TMCO6: variants seen among roughly 807,000 people sequenced by gnomAD.
TMCO6 encodes transmembrane and coiled-coil domain-containing protein 6.
TMCO6 carries 47 observed loss-of-function variants against 61.8 expected under a neutral mutation model. The ratio of observed to expected loss-of-function variants is 0.76; its 90% CI spans 0.60 to 0.97. The LOEUF is 0.97. Among genes scored for constraint, TMCO6 ranks in the 50% least tolerant of loss-of-function variants. The pLI, the probability that TMCO6 is intolerant of heterozygous loss-of-function variation, is 0.00. For synonymous variants in TMCO6, 261 were observed against 254.2 expected (o/e 1.03, Z -0.25); for missense variants, 557 against 601.6 (o/e 0.93, Z 0.78).
the TMCO6 span, among the ~76,000 whole-genome samples, chr5:140,629,036 A>T: frequency 6.6e-6 from 1 of 152,220 alleles, no homozygotes; most frequent in Non-Finnish European, 1.5e-5. Flanking sequence ...TGGGAGGCAG[A>T]GGCAGGTGGA....
At chr5:140,603,777 A>G in the TMCO6 span, among the ~76,000 whole-genome samples, 5 of 152,182 alleles carry the variant, frequency 3.3e-5, no homozygotes, top group Non-Finnish European at 5.9e-5. Flanking sequence ...CCATTCGGTT[A>G]TTATGAATAC....
At chr5:140,639,446 G>A, upstream of TMCO6, 1 of 1,400,128 alleles carries the variant, frequency 7.1e-7, no homozygotes, top group Non-Finnish European at 9.9e-7. Flanking sequence ...CTGTGCTGAG[G>A]CTGCGCAGTC....
chr5:140,632,295 C>A, the TMCO6 span: 1 of 1,613,944 alleles, frequency 6.2e-7, no homozygotes, highest in Admixed American at 1.7e-5. The surrounding 1 kb of genome is among the most constrained non-coding windows in gnomAD (Gnocchi z 6.2). Context: ...TCCTGTGTTG[C>A]GCAGCGCTAG....
At chr5:140,605,997 A>G in the TMCO6 span, among the ~76,000 whole-genome samples, 1 of 151,812 alleles carries the variant, frequency 6.6e-6, no homozygotes, top group Non-Finnish European at 1.5e-5. Context: ...TGTTCAAAAT[A>G]TTTTCTTTCA....
chr5:140,612,538 A>G, the TMCO6 span, among the ~76,000 whole-genome samples: 4 of 151,838 alleles, frequency 2.6e-5, no homozygotes, highest in Non-Finnish European at 5.9e-5. Context: ...ACGGGGTTTC[A>G]CCGTGTTAGC....
chr5:140,638,461 A>G (rs748469880), upstream of TMCO6, among the ~76,000 whole-genome samples: 6 of 152,120 alleles, frequency 3.9e-5, no homozygotes, highest in Non-Finnish European at 8.8e-5. Context: ...AAGGAAAACA[A>G]AAGTGTGTGT....
chr5:140,627,973 A>G, the TMCO6 span, among the ~76,000 whole-genome samples: 1 of 151,486 alleles, frequency 6.6e-6, no homozygotes, highest in East Asian at 2.0e-4. Flanking sequence ...GGGAGCAGAT[A>G]TTGTTGTTGA....
At chr5:140,644,931 T>C in intron 11 of TMCO6, 54 bp from the exon 12 acceptor site, 1 of 1,582,824 alleles carries the variant, frequency 6.3e-7, no homozygotes, top group African/African-American at 1.3e-5. Context: ...GCTGTGGGAA[T>C]TGAGTCTTAG....
the TMCO6 span, among the ~76,000 whole-genome samples, chr5:140,598,364 C>T: frequency 1.2e-4 from 18 of 151,990 alleles, no homozygotes; most frequent in Admixed American, 1.1e-3. Flanking sequence ...CCACTGCACC[C>T]TCACTCACCT....
At position 140,641,882 on chromosome 5, in the gene TMCO6, C is replaced by T; in HGVS notation, c.327C>T (p.Ser109=). ...TQQTFIRLEG[S]MRTLVGLLTS... ...CTCACTCACATAGGCTGGAGGGCAG[C>T]ATGCGGACCCTGGTCGGGCTCCTGA... Residue 109 remains serine (S), a synonymous_variant, in exon 4 of 12, where the codon AGC becomes AGT. Transcript: ENST00000394671. 6.2e-7 allele frequency: 1 copy of T among 1,612,474 alleles called. No individual in the cohort carries two copies. The highest frequency in any genetic ancestry group is 2.2e-5 in the East Asian group (1 of 44,826).
Position 140,643,029 on chromosome 5 carries a change from A to C in TMCO6, c.794A>C (p.Tyr265Ser). The C allele has an allele frequency of 6.2e-7, 1 of 1,614,208 alleles. No homozygotes were observed. Among genetic ancestry groups the C allele is most frequent in the Non-Finnish European group, 8.5e-7 (1 of 1,180,030 alleles). The change falls in exon 7 of 12, where the codon TAC becomes TCC. Residue 265 changes from tyrosine to serine, a missense_variant. Tyr to Ser is a moderately radical substitution (Grantham distance 144). Transcript: ENST00000394671. ...VAVEFAWCLHYIICSQVSNPL... is the reference protein window; with the variant it reads ...VAVEFAWCLHSIICSQVSNPL... The stretch of plus-strand genomic sequence containing the variant: ...GTGGAGTTTGCCTGGTGCCTTCATT[A>C]CATCATCTGCAGGTAACAGGGCAAT...
chr5:140,615,350 ATGATATC>A, the TMCO6 span, among the ~76,000 whole-genome samples: 1 of 152,346 alleles, frequency 6.6e-6, no homozygotes, highest in Non-Finnish European at 1.5e-5. Flanking sequence ...TAATATTTTT[ATGATATC>A]AACACTCTCT....
chr5:140,645,600 C>T (rs772395364), downstream of TMCO6: 32 of 1,614,064 alleles, frequency 2.0e-5, no homozygotes, highest in Non-Finnish European at 2.6e-5. Context: ...GGCTTTACCA[C>T]TTAGAACGTT....
At chr5:140,647,267 C>T, downstream of TMCO6, 1 of 1,552,280 alleles carries the variant, frequency 6.4e-7, no homozygotes, top group Non-Finnish European at 8.7e-7. Context: ...GTAGCGGGCC[C>T]AGAGCTTGGG....
At chr5:140,631,504 T>C in the TMCO6 span, among the ~76,000 whole-genome samples, 1 of 152,194 alleles carries the variant, frequency 6.6e-6, no homozygotes, top group Non-Finnish European at 1.5e-5. Context: ...GCCAATAATC[T>C]GCTCAGAAAG....
At chr5:140,646,149 T>G (rs1757385738), downstream of TMCO6, among the ~76,000 whole-genome samples, 1 of 152,036 alleles carries the variant, frequency 6.6e-6, no homozygotes, top group South Asian at 2.1e-4. Context: ...TAGCTGGGAT[T>G]ACAGGTGCCC....
chr5:140,640,461 A>C (rs1352088586), intron 2 of TMCO6, among the ~76,000 whole-genome samples: 2 of 148,038 alleles, frequency 1.4e-5, no homozygotes, highest in Non-Finnish European at 3.0e-5. Flanking sequence ...GCTGGAGTGC[A>C]GTGGCATGAT....
upstream of TMCO6, chr5:140,639,210 A>G (rs1016003117): frequency 1.7e-4 from 52 of 305,246 alleles, 1 homozygote; most frequent in Admixed American, 9.3e-4. Context: ...AGATTGTGAC[A>G]CTGCTGGCTT....
the TMCO6 span, among the ~76,000 whole-genome samples, chr5:140,605,797 A>C: frequency 6.6e-5 from 10 of 151,930 alleles, no homozygotes; most frequent in Admixed American, 6.6e-5. Context: ...TAAGATTGGC[A>C]TTAAGTCTTT....
Sources: allele counts gnomAD v4.1 joint callset (sites outside exome capture counted in the v4.1 genomes callset), GRCh38; gene constraint gnomAD v4.1.1; non-coding constraint Gnocchi (gnomAD v3.1); transcripts MANE v1.5; gene names NCBI Gene and HGNC (gene_info 2026-07-23, HGNC 2026-07-21).